The following SYNRG variants were observed in gnomAD, a reference collection of about 807,000 sequenced individuals.
SYNRG encodes AP1 gamma subunit binding protein 1.
A neutral mutation model predicts 130.9 loss-of-function variants in SYNRG; 37 were observed. The ratio of observed to expected loss-of-function variants is 0.28; its 90% CI spans 0.22 to 0.37. The LOEUF (loss-of-function observed/expected upper bound fraction) is 0.37. Ranked by LOEUF, SYNRG falls within the 10% of genes least tolerant of loss-of-function variation. The pLI, the probability that SYNRG is intolerant of heterozygous loss-of-function variation, is 1.00. For synonymous variants in SYNRG, 539 were observed against 568.1 expected (o/e 0.95, Z 0.73); for missense variants, 1,338 against 1,588.9 (o/e 0.84, Z 2.68).
At chr17:37,560,794 A>G (rs781352199) in intron 13 of SYNRG, among the ~76,000 whole-genome samples, 12 of 150,160 alleles carry the variant, frequency 8.0e-5, no homozygotes, top group Non-Finnish European at 1.8e-4. Context: ...CCTCCCGAGT[A>G]CCCGGGACTA....
At chr17:37,588,041 A>T (rs2061837085) in intron 3 of SYNRG, among the ~76,000 whole-genome samples, 2 of 152,024 alleles carry the variant, frequency 1.3e-5, no homozygotes, top group African/African-American at 4.8e-5. Flanking sequence ...AATCATCTTC[A>T]TTATATCCTC....
rs1292382359 is a variant in SYNRG, at chr17:37,578,885, C to A, written c.590-1272G>T. 3.3e-5 allele frequency among the ~76,000 whole-genome samples: 5 copies of A among 152,122 alleles called. No homozygotes were observed. In the East Asian group the frequency reaches 7.7e-4, roughly 23 times the overall value. ...ATCTTCTGGAAAAATCAGAAGATTT[C>A]TTTTAAAGTTATAAGGCAGTTTAAA... On this transcript the variant is annotated intron_variant, in intron 6 of 21. Coordinates refer to ENST00000612223, the MANE Select transcript of SYNRG (RefSeq NM_007247.6).
At chr17:37,605,209 A>G (rs763147208) in intron 1 of SYNRG, among the ~76,000 whole-genome samples, 13 of 152,252 alleles carry the variant, frequency 8.5e-5, no homozygotes, top group Non-Finnish European at 1.8e-4. Context: ...CAGTTTTTAA[A>G]GACATTACTC....
Position 37,600,624 on chromosome 17 carries a change from T to C in SYNRG, c.78-221A>G, listed in dbSNP as rs950797571. The C allele has an allele frequency of 9.0e-6, 6 of 670,286 alleles. No homozygotes were observed. The Admixed American group carries it at 1.2e-4, about 13-fold the overall frequency. The allele number at this position is 670,286 out of a possible 1,614,324, so 41.5% of individuals were successfully genotyped here. On this transcript the variant is annotated intron_variant, in intron 1 of 21. Coordinates refer to ENST00000612223, the MANE Select transcript of SYNRG (RefSeq NM_007247.6). Reference sequence around the variant, plus strand: ...TGTTGAAACAAAAGACAGAAGACCCTGAAATTAGTCCTGGCTCTGTCACTT... The same window carrying C: ...TGTTGAAACAAAAGACAGAAGACCCCGAAATTAGTCCTGGCTCTGTCACTT...
rs544464281 is a variant in SYNRG, at chr17:37,587,276, G to A, written c.241-727C>T. On this transcript the variant is annotated intron_variant, in intron 3 of 21. Transcript: ENST00000612223. Reference sequence around the variant, plus strand: ...ATCCTCCCGCCTCAGCCCCAGAGTAGCTAGGGCTATAAGCGTGTGCCCTCG... The same window carrying A: ...ATCCTCCCGCCTCAGCCCCAGAGTAACTAGGGCTATAAGCGTGTGCCCTCG... 2.6e-5 allele frequency among the ~76,000 whole-genome samples: 4 copies of A among 152,296 alleles called. No individual in the cohort carries two copies. The East Asian group carries it at 7.7e-4, about 29-fold the overall frequency.
intron 19 of SYNRG, among the ~76,000 whole-genome samples, chr17:37,524,322 T>C (rs1048293939): frequency 1.1e-4 from 16 of 152,204 alleles, no homozygotes; most frequent in Non-Finnish European, 2.2e-4. Flanking sequence ...AAAAAAAAGA[T>C]TTCTCCTTAT....
chr17:37,609,193 G>C (rs2064157703), intron 1 of SYNRG, 86 bp downstream of exon 1: 7 of 1,319,304 alleles, frequency 5.3e-6, no homozygotes, highest in Non-Finnish European at 2.9e-6. Flanking sequence ...AAAGGATCAG[G>C]GCTGGAGAAA....
Position 37,542,446 on chromosome 17 carries a change from G to C in SYNRG, c.2728C>G (p.Pro910Ala). 1 of 1,614,140 alleles carries C rather than the reference G, an allele frequency of 6.2e-7. No individual in the cohort carries two copies. Among genetic ancestry groups the C allele is most frequent in the Non-Finnish European group, 8.5e-7 (1 of 1,180,036 alleles). ...CCACTTCCTGCTGAGAGGACAAATG[G>C]AGAGAGTTTTCTGCCCTGAGTTGCA... ...DDATQGRKLS[P>A]FVLSAGSGSP... Residue 910 changes from proline (P) to alanine (A), a missense_variant, in exon 15 of 22, where the codon CCA (proline) becomes GCA (alanine). Transcript: ENST00000612223.
intron 14 of SYNRG, among the ~76,000 whole-genome samples, chr17:37,551,114 GT>G (rs2058677902): frequency 6.6e-6 from 1 of 152,172 alleles, no homozygotes; most frequent in Non-Finnish European, 1.5e-5. Flanking sequence ...AATCTACCAG[GT>G]TTTATTCTCT....
intron 14 of SYNRG, among the ~76,000 whole-genome samples, chr17:37,549,656 T>C (rs935211437): frequency 1.3e-5 from 2 of 152,166 alleles, no homozygotes; most frequent in Non-Finnish European, 2.9e-5. Context: ...AGTGATGTGA[T>C]CACAGCTCAC....
chr17:37,605,154 T>C (rs984315976), intron 1 of SYNRG, among the ~76,000 whole-genome samples: 1 of 152,184 alleles, frequency 6.6e-6, no homozygotes, highest in African/African-American at 2.4e-5. Flanking sequence ...CTTCAATTTA[T>C]AAAAAACACT....
rs139350711 is a variant in SYNRG, at chr17:37,596,296, A to G, written c.167T>C (p.Met56Thr). ...CATAATGCCTTGCATATTAGGCTGCATGACAGAGACCATAGGAAATCCTTG... is the reference window on the plus strand; with the variant it reads ...CATAATGCCTTGCATATTAGGCTGCGTGACAGAGACCATAGGAAATCCTTG... ...QQQGFPMVSV[M>T]QPNMQGIMGM... is the part of the protein sequence containing the mutation. The change falls in exon 3 of 22, where the codon ATG becomes ACG. Residue 56 changes from methionine to threonine, a missense_variant. Physicochemically the swap from Met to Thr is moderately conservative, Grantham distance 81 (BLOSUM62 -1). Around this residue, in one of 3 missense-constraint regions of SYNRG, gnomAD observed 184 missense variants for 217.2 expected, o/e 0.85. Coordinates refer to ENST00000612223, the MANE Select transcript of SYNRG (RefSeq NM_007247.6). The G allele has an allele frequency of 2.5e-6, 4 of 1,614,102 alleles. No individual in the cohort carries two copies. The highest frequency in any genetic ancestry group is 1.1e-5 in the South Asian group (1 of 91,096).
intron 14 of SYNRG, among the ~76,000 whole-genome samples, chr17:37,545,922 G>A (rs1346972346): frequency 1.3e-5 from 2 of 152,176 alleles, no homozygotes; most frequent in Non-Finnish European, 2.9e-5. Context: ...ACAGAACACC[G>A]TGCCCCTAAA....
intron 1 of SYNRG, among the ~76,000 whole-genome samples, chr17:37,604,385 C>T (rs1243333855): frequency 6.6e-6 from 1 of 152,200 alleles, no homozygotes; most frequent in Non-Finnish European, 1.5e-5. Context: ...AGCTTCTTTG[C>T]TTAAACCTCA....
At chr17:37,607,732 T>C (rs765208392) in intron 1 of SYNRG, among the ~76,000 whole-genome samples, 1 of 151,540 alleles carries the variant, frequency 6.6e-6, no homozygotes, top group Non-Finnish European at 1.5e-5. Context: ...GAGGTTGCAG[T>C]GAGCCGACAT....
chr17:37,535,197 G>A (rs554058061), intron 19 of SYNRG, among the ~76,000 whole-genome samples: 4 of 151,792 alleles, frequency 2.6e-5, no homozygotes, highest in South Asian at 2.1e-4. Flanking sequence ...AGTCCAATCC[G>A]TTTATACACA....
chr17:37,572,075 C>A, intron 8 of SYNRG, 88 bp from the exon 9 acceptor site: 1 of 1,164,266 alleles, frequency 8.6e-7, no homozygotes, highest in Non-Finnish European at 1.2e-6. Flanking sequence ...CAAGAATAAT[C>A]TTCAACAAAA....
intron 11 of SYNRG, 94 bp downstream of exon 11, chr17:37,568,697 T>C (rs970270530): frequency 1.4e-6 from 2 of 1,400,990 alleles, no homozygotes; most frequent in Non-Finnish European, 1.9e-6. Flanking sequence ...TAAGGAGTCT[T>C]AATTTTTAAA....
At chr17:37,560,715 T>A (rs541651907) in intron 13 of SYNRG, among the ~76,000 whole-genome samples, 2 of 151,406 alleles carry the variant, frequency 1.3e-5, no homozygotes, top group Admixed American at 1.3e-4. Flanking sequence ...TCACCCAGAC[T>A]GGAGTGCAGT....
Sources: gnomAD v4.1 joint callset for allele counts (sites outside exome capture counted in the v4.1 genomes callset) on GRCh38, gnomAD v4.1.1 for gene constraint, gnomAD v4.1.1 regional missense constraint, MANE v1.5 for transcripts, NCBI Gene and HGNC (gene_info 2026-07-23, HGNC 2026-07-21) for gene names.